The following MLLT3 variants were observed in gnomAD, a reference collection of about 807,000 sequenced individuals.
MLLT3 encodes protein AF-9.
In MLLT3, 4 loss-of-function variants were observed where a neutral mutation model predicts 53.2. That is an observed-to-expected ratio of 0.08 (90% CI 0.04 to 0.17). The LOEUF (loss-of-function observed/expected upper bound fraction) is 0.17, where lower values mean the gene tolerates loss of function less well. MLLT3 is among the 10% of genes least tolerant of loss of function. MLLT3 has a pLI of 1.00. For missense variants in MLLT3, 569 were observed against 684.0 expected, an observed-to-expected ratio of 0.83 and a Z score of 1.87; for synonymous variants, 283 against 230.6, an observed-to-expected ratio of 1.23 and a Z score of -2.06.
chr9:20,479,464 A>C (rs905430239), intron 2 of MLLT3, among the ~76,000 whole-genome samples: 1 of 152,192 alleles, frequency 6.6e-6, no homozygotes, highest in Non-Finnish European at 1.5e-5. Context: ...ACAAATCCTG[A>C]AAAACTAGTT....
intron 5 of MLLT3, among the ~76,000 whole-genome samples, chr9:20,386,973 T>C (rs1055996477): frequency 7.9e-5 from 12 of 152,354 alleles, no homozygotes; most frequent in Middle Eastern, 3.4e-3. Context: ...ACTATTCTAC[T>C]TTTTGCTTTG....
At chr9:20,368,688 A>G (rs1821518336) in intron 5 of MLLT3, among the ~76,000 whole-genome samples, 1 of 152,196 alleles carries the variant, frequency 6.6e-6, no homozygotes, top group Non-Finnish European at 1.5e-5. Flanking sequence ...TGATCACCAA[A>G]AAACCCACAA....
At chr9:20,429,561 A>G (rs201757516) in intron 4 of MLLT3, among the ~76,000 whole-genome samples, 2 of 151,680 alleles carry the variant, frequency 1.3e-5, no homozygotes, top group African/African-American at 4.9e-5. Flanking sequence ...GAAAAAAAGG[A>G]AAAAAATCTA....
chr9:20,488,052 G>C (rs1769155317), intron 2 of MLLT3, among the ~76,000 whole-genome samples: 2 of 151,958 alleles, frequency 1.3e-5, no homozygotes, highest in Admixed American at 1.3e-4. Context: ...TTGTGCCTTA[G>C]GTGCAATAAA....
chr9:20,565,717 T>C (rs958363792), intron 2 of MLLT3, among the ~76,000 whole-genome samples: 1 of 150,590 alleles, frequency 6.6e-6, no homozygotes, highest in Non-Finnish European at 1.5e-5. Context: ...GAAAATATGA[T>C]TGCATTTTAC....
intron 2 of MLLT3, chr9:20,533,164 T>G (rs1265273139): frequency 2.1e-5 from 6 of 287,156 alleles, no homozygotes; most frequent in South Asian, 3.9e-5. Context: ...CACCGTCACC[T>G]TTACACAGGT....
intron 2 of MLLT3, among the ~76,000 whole-genome samples, chr9:20,521,456 ATATG>A (rs773069794): frequency 1.6e-3 from 186 of 114,108 alleles, no homozygotes; most frequent in Middle Eastern, 4.3e-3. Flanking sequence ...CTGTGTGTGT[ATATG>A]TGTGTGTGTG....
chr9:20,490,845 G>C (rs918057994), intron 2 of MLLT3, among the ~76,000 whole-genome samples: 11 of 152,112 alleles, frequency 7.2e-5, no homozygotes, highest in African/African-American at 2.7e-4. Flanking sequence ...AAGGAATAGA[G>C]AGTTTTAAAT....
In MLLT3 at chr9:20,421,364, A is replaced by G. The variant is rs372806866; in HGVS notation, c.421-6939T>C. Among the ~76,000 whole-genome samples, 601 of 152,244 alleles carry G rather than the reference A, an allele frequency of 3.9e-3. 5 individuals are homozygous for G. Among genetic ancestry groups the G allele is most frequent in the African/African-American group, 0.014 (562 of 41,570 alleles). On this transcript the variant is annotated intron_variant, in intron 4 of 10. Coordinates refer to ENST00000380338, the MANE Select transcript of MLLT3 (RefSeq NM_004529.4). The stretch of plus-strand genomic sequence containing the variant: ...AAAAACTCTGGAGGCACAGAAAAAC[A>G]TGCTCCAGGGAAAATTCATAGCCTT...
chr9:20,563,385 T>C lies in MLLT3; in HGVS notation c.193+57269A>G, dbSNP rs77178469. 1.5e-3 allele frequency among the ~76,000 whole-genome samples: 233 copies of C among 152,246 alleles called. 1 individual carries two copies. Among genetic ancestry groups the C allele is most frequent in the Middle Eastern group, 0.014 (4 of 294 alleles). On this transcript the variant is annotated intron_variant, in intron 2 of 10. Coordinates refer to ENST00000380338, the MANE Select transcript of MLLT3 (RefSeq NM_004529.4). ...TCTTACCGTCCTAAAGCCAGGTCCC[T>C]GCTGGGTAGGGAGGGGTGTCATATA...
At position 20,388,316 on chromosome 9, in the gene MLLT3, C is replaced by T. The variant is rs546044869; in HGVS notation, c.1126-22572G>A. Reference sequence around the variant, plus strand: ...AAGAAAGCTATTCTCTGGCCGGGTGCGGTGGCTCAGGCCTGTAGTCCCAGA... The same window carrying T: ...AAGAAAGCTATTCTCTGGCCGGGTGTGGTGGCTCAGGCCTGTAGTCCCAGA... On this transcript the variant is annotated intron_variant, in intron 5 of 10. Coordinates refer to ENST00000380338, the MANE Select transcript of MLLT3 (RefSeq NM_004529.4). Among the ~76,000 whole-genome samples the T allele has an allele frequency of 4.6e-5, 7 of 152,230 alleles. No individual in the cohort carries two copies. In the South Asian group the frequency reaches 8.3e-4, roughly 18 times the overall value.
intron 2 of MLLT3, chr9:20,533,211 G>T: frequency 3.1e-6 from 1 of 319,122 alleles, no homozygotes; most frequent in South Asian, 3.2e-5. Context: ...CTAAGCTGGT[G>T]GAAGCCATCA....
intron 2 of MLLT3, among the ~76,000 whole-genome samples, chr9:20,597,347 G>T (rs934537047): frequency 6.6e-6 from 1 of 150,924 alleles, no homozygotes; most frequent in East Asian, 1.9e-4. Flanking sequence ...ATGTGCAAAG[G>T]TCTGAGTAAC....
At chr9:20,379,155 G>A (rs1007326466) in intron 5 of MLLT3, among the ~76,000 whole-genome samples, 3 of 151,996 alleles carry the variant, frequency 2.0e-5, no homozygotes, top group Non-Finnish European at 4.4e-5. Context: ...TTCTTCAAGG[G>A]TATTTGGGAT....
chr9:20,348,058 C>G (rs1303518000), intron 10 of MLLT3, among the ~76,000 whole-genome samples: 3 of 152,158 alleles, frequency 2.0e-5, no homozygotes, highest in East Asian at 1.9e-4. Context: ...CATATTAACT[C>G]TCAATCCAAT....
chr9:20,425,391 T>C (rs532478224), intron 4 of MLLT3, among the ~76,000 whole-genome samples: 5 of 152,262 alleles, frequency 3.3e-5, no homozygotes, highest in Admixed American at 6.5e-5. Context: ...GATTAGAACA[T>C]AGGACTTCTA....
chr9:20,577,848 T>C (rs997145319), intron 2 of MLLT3, among the ~76,000 whole-genome samples: 2 of 152,232 alleles, frequency 1.3e-5, no homozygotes, highest in African/African-American at 4.8e-5. Context: ...ACTGCTCATG[T>C]GTTCAGCTTC....
intron 2 of MLLT3, among the ~76,000 whole-genome samples, chr9:20,549,464 C>T (rs552075581): frequency 3.1e-4 from 37 of 121,014 alleles, no homozygotes; most frequent in African/African-American, 9.5e-4. Context: ...ATGCCATTTA[C>T]TCCGTGCCAG....
Position 20,448,864 on chromosome 9 carries a change from T to C in MLLT3, c.277-598A>G, listed in dbSNP as rs1374661969. 6.6e-6 allele frequency among the ~76,000 whole-genome samples: 1 copy of C among 152,210 alleles called. No homozygotes were observed. Among genetic ancestry groups the C allele is most frequent in the Non-Finnish European group, 1.5e-5 (1 of 68,028 alleles). ...CTTGAATGTCACATAAGGGCCTTCA[T>C]AATCTGGCTCTTGGCTTCATATTCC... On this transcript the variant is annotated intron_variant, in intron 3 of 10. Transcript: ENST00000380338. This position sits in a 1 kb window ranked among gnomAD's most constrained non-coding sequence, Gnocchi z 4.0.
Sources: allele counts gnomAD v4.1 joint callset (sites outside exome capture counted in the v4.1 genomes callset), GRCh38; gene constraint gnomAD v4.1.1; non-coding constraint Gnocchi (gnomAD v3.1); transcripts MANE v1.5; gene names NCBI Gene and HGNC (gene_info 2026-07-23, HGNC 2026-07-21).